The following FGF3 variants were observed in gnomAD, a reference collection of about 807,000 sequenced individuals.
FGF3 encodes FGF-3.
Under a neutral mutation model 9.8 loss-of-function variants are expected in FGF3, and 7 were observed. The observed-to-expected ratio is 0.72, with a 90% CI of 0.41 to 1.35. The LOEUF is 1.35. Ranked by LOEUF, FGF3 falls within the 40% of genes most tolerant of loss-of-function variation. The pLI is 0.01. For missense variants in FGF3, 390 were observed against 345.6 expected (o/e 1.13, Z -1.02); for synonymous variants, 173 against 157.2 (o/e 1.10, Z -0.75).
chr11:69,814,111 G>T (rs193013653), intron 2 of FGF3, among the ~76,000 whole-genome samples: 1 of 152,076 alleles, frequency 6.6e-6, no homozygotes. Context: ...GGACAGATGG[G>T]TGAAGAGAAT....
In FGF3 at chr11:69,810,471, T is replaced by G. The variant is rs143175848; in HGVS notation, c.554A>C (p.His185Pro). The G allele has an allele frequency of 6.2e-6, 10 of 1,605,694 alleles. No individual in the cohort carries two copies. In the African/African-American group the frequency reaches 1.1e-4, roughly 17 times the overall value. The change falls in exon 3 of 3, where the codon CAC (histidine) becomes CCC (proline). Residue 185 changes from histidine (H) to proline (P), a missense_variant. Coordinates refer to ENST00000334134, the MANE Select transcript of FGF3 (RefSeq NM_005247.4). The stretch of plus-strand genomic sequence containing the variant: ...CTGCCGCACCATCTCGTGGTCCCTG[T>G]GGTCCAGCACGCGGGGCAGGAACAG... ...SSLFLPRVLD[H>P]RDHEMVRQLQ...
chr11:69,818,026 G>A (rs1471941809), intron 1 of FGF3, among the ~76,000 whole-genome samples: 2 of 152,182 alleles, frequency 1.3e-5, no homozygotes, highest in African/African-American at 2.4e-5. Context: ...CCGACGGCGA[G>A]GGCCTCCACC....
chr11:69,815,882 G>A (rs547795904), intron 2 of FGF3, among the ~76,000 whole-genome samples: 1 of 152,260 alleles, frequency 6.6e-6, no homozygotes, highest in East Asian at 1.9e-4. Flanking sequence ...TCCACCCTTG[G>A]AGAGAGCCGG....
chr11:69,814,500 C>T (rs1554980888), intron 2 of FGF3, among the ~76,000 whole-genome samples: 2 of 151,856 alleles, frequency 1.3e-5, no homozygotes, highest in Non-Finnish European at 2.9e-5. Context: ...AGGGCCAGAC[C>T]AGGAGTGTCA....
In FGF3 at chr11:69,818,085, A is replaced by G. The variant is rs1419631226; in HGVS notation, c.220+629T>C. ...CGGAGGCGGGGGAGGTGCAGATTCC[A>G]GCGCGGGGAATAACTGTCGGTGGCG... On this transcript the variant is annotated intron_variant, in intron 1 of 2. Coordinates refer to ENST00000334134, the MANE Select transcript of FGF3 (RefSeq NM_005247.4). Among the ~76,000 whole-genome samples the G allele has an allele frequency of 2.1e-5, 3 of 143,822 alleles. No homozygotes were observed. In the East Asian group the frequency reaches 7.2e-4, roughly 34 times the overall value. 94.4% of individuals were successfully genotyped at this position (143,822 alleles called of 152,430 possible).
Position 69,810,628 on chromosome 11 carries a change from G to A in FGF3, c.397C>T (p.Leu133=), listed in dbSNP as rs559915523. The A allele has an allele frequency of 1.4e-5, 22 of 1,603,774 alleles. No individual in the cohort carries two copies. Among genetic ancestry groups the A allele is most frequent in the Admixed American group, 1.7e-5 (1 of 59,438 alleles). ...GGCGTACTAGACACCGTCCGGTACA[G>A]CCGGGAGGCATACGTATTATAGCCC... ...ELGYNTYASR[L]YRTVSSTPGA... Residue 133 remains leucine, a synonymous_variant, in exon 3 of 3, where the codon CTG becomes TTG. Transcript: ENST00000334134.
At chr11:69,818,639 C>G (rs977254579) in intron 1 of FGF3, 75 bp downstream of exon 1, 1 of 1,173,130 alleles carries the variant, frequency 8.5e-7, no homozygotes, top group Non-Finnish European at 1.1e-6. Context: ...CGCGGGGCCC[C>G]GCAGCGCGCC....
intron 2 of FGF3, among the ~76,000 whole-genome samples, chr11:69,813,213 A>G (rs1238164592): frequency 6.6e-6 from 1 of 151,986 alleles, no homozygotes; most frequent in Admixed American, 6.6e-5. Flanking sequence ...GCACTTTCTC[A>G]TGGGCATTTT....
chr11:69,818,662 C>T lies in FGF3; in HGVS notation c.220+52G>A, dbSNP rs1440822658. On this transcript the variant is annotated intron_variant, in intron 1 of 2. Coordinates refer to ENST00000334134, the MANE Select transcript of FGF3 (RefSeq NM_005247.4). ...CCCGCAGCGCGCCTTCTCCCGGGCC[C>T]GACCCCTCCCGGCGCCGCTTCCCCC... The T allele has an allele frequency of 4.4e-6, 6 of 1,361,908 alleles. No individual in the cohort carries two copies. The African/African-American group carries it at 9.1e-5, about 21-fold the overall frequency. 84.4% of individuals were successfully genotyped at this position (1,361,908 alleles called of 1,614,324 possible).
At chr11:69,814,585 G>A (rs1437642588) in intron 2 of FGF3, among the ~76,000 whole-genome samples, 4 of 152,082 alleles carry the variant, frequency 2.6e-5, no homozygotes, top group African/African-American at 9.7e-5. Context: ...AGTCCAGGGA[G>A]CCCCGTGGTG....
At chr11:69,811,308 G>A (rs1372719479) in intron 2 of FGF3, among the ~76,000 whole-genome samples, 1 of 151,924 alleles carries the variant, frequency 6.6e-6, no homozygotes, top group African/African-American at 2.4e-5. Flanking sequence ...AAATTAGCCG[G>A]GTGTGGTGGC....
rs371531315 is a variant in FGF3 at position 69,810,389 on chromosome 11, C to T, written c.636G>A (p.Arg212=). 3 of 1,557,092 alleles carry T rather than the reference C, an allele frequency of 1.9e-6. No homozygotes were observed. The highest frequency in any genetic ancestry group is 2.6e-6 in the Non-Finnish European group (3 of 1,148,050). Residue 212 remains arginine, a synonymous_variant, in exon 3 of 3, where the codon CGG becomes CGA. Coordinates refer to ENST00000334134, the MANE Select transcript of FGF3 (RefSeq NM_005247.4). ...PGKGVQPRRR[R]QKQSPDNLEP... is the part of the protein sequence containing the mutation. ...CCAGGTTATCCGGGCTCTGCTTCTG[C>T]CGCCGCCGTCGGGGCTGGACCCCCT...
intron 1 of FGF3, among the ~76,000 whole-genome samples, chr11:69,816,949 G>T (rs758425552): frequency 1.2e-4 from 18 of 152,198 alleles, no homozygotes; most frequent in Non-Finnish European, 2.5e-4. Flanking sequence ...CACAGCCAGG[G>T]TGCCTGCCAC....
intron 1 of FGF3, 26 bp from the exon 2 acceptor site, chr11:69,816,449 T>G (rs1554981093): frequency 1.9e-6 from 3 of 1,576,606 alleles, no homozygotes; most frequent in Non-Finnish European, 2.6e-6. Flanking sequence ...GGTGCCTCAC[T>G]CCCGCCGCCC....
chr11:69,811,717 G>A (rs1280042319), intron 2 of FGF3, among the ~76,000 whole-genome samples: 2 of 152,152 alleles, frequency 1.3e-5, no homozygotes, highest in African/African-American at 4.8e-5. Context: ...ATCAATCAGT[G>A]CCACAGATAC....
intron 1 of FGF3, 41 bp downstream of exon 1, chr11:69,818,673 G>A (rs782393118): frequency 3.0e-5 from 43 of 1,414,102 alleles, no homozygotes; most frequent in Non-Finnish European, 3.9e-5. Flanking sequence ...GACCCCTCCC[G>A]GCGCCGCTTC....
chr11:69,815,596 C>G (rs982866151), intron 2 of FGF3, among the ~76,000 whole-genome samples: 3 of 152,182 alleles, frequency 2.0e-5, no homozygotes, highest in Non-Finnish European at 4.4e-5. Context: ...GATGGAAAAC[C>G]TCTCATTGCC....
rs1455223940 is a variant in FGF3, at chr11:69,810,167, TG to T, written c.*137del. 2.2e-5 allele frequency: 19 copies of T among 875,512 alleles called. 1 individual carries two copies. The Middle Eastern group carries it at 1.4e-3, about 66-fold the overall frequency. 54.2% of individuals were successfully genotyped at this position (875,512 alleles called of 1,614,324 possible). Reference sequence around the variant, plus strand: ...GCCCTCTTCAGTTCCCACTGGACCCTGATTTGAGCTGGCTCTGGAAATAGCT... The same window carrying T: ...GCCCTCTTCAGTTCCCACTGGACCCTATTTGAGCTGGCTCTGGAAATAGCT... On this transcript the variant is annotated 3_prime_UTR_variant, in exon 3 of 3. Transcript: ENST00000334134.
intron 2 of FGF3, among the ~76,000 whole-genome samples, chr11:69,812,164 C>T (rs1488637399): frequency 1.3e-5 from 2 of 152,140 alleles, no homozygotes; most frequent in African/African-American, 4.8e-5. Context: ...ATCTCTCTTT[C>T]CTCCTGGGGA....
Sources: allele counts gnomAD v4.1 joint callset (sites outside exome capture counted in the v4.1 genomes callset), GRCh38; gene constraint gnomAD v4.1.1; transcripts MANE v1.5; gene names NCBI Gene and HGNC (gene_info 2026-07-23, HGNC 2026-07-21).